The following CPHXL2 variants were observed in gnomAD, a reference collection of about 807,000 sequenced individuals.
CPHXL2 encodes cytoplasmic polyadenylated homeobox like 2, also known as cytoplasmic polyadenylated homeobox-like protein 2.
the CPHXL2 span, among the ~76,000 whole-genome samples, chr16:75,672,486 ATTTTT>A: frequency 6.6e-6 from 1 of 151,884 alleles, no homozygotes; most frequent in Non-Finnish European, 1.5e-5. Context: ...AGCATTTATA[ATTTTT>A]TGTTTTGTTT....
chr16:75,660,857 AGCATAGCCTGGAT>A, the CPHXL2 span: 1 of 398,552 alleles, frequency 2.5e-6, no homozygotes, highest in Non-Finnish European at 4.4e-6. Flanking sequence ...CATACTCCAA[AGCATAGCCTGGAT>A]GCTTTTCAGT....
the CPHXL2 span, among the ~76,000 whole-genome samples, chr16:75,672,977 G>A: frequency 1.3e-5 from 2 of 151,716 alleles, no homozygotes; most frequent in Non-Finnish European, 2.9e-5. Context: ...CTACTCCTGA[G>A]GCTGAGGTGT....
the CPHXL2 span, among the ~76,000 whole-genome samples, chr16:75,661,749 A>C: frequency 2.0e-5 from 3 of 152,128 alleles, no homozygotes; most frequent in African/African-American, 7.2e-5. Context: ...CATTGGGTTC[A>C]AGTTTCACAA....
chr16:75,661,541 T>C, the CPHXL2 span, among the ~76,000 whole-genome samples: 1 of 151,878 alleles, frequency 6.6e-6, no homozygotes, highest in Non-Finnish European at 1.5e-5. Flanking sequence ...TCCAACCTAC[T>C]TGTGACCTAT....
At chr16:75,671,458 G>C in the CPHXL2 span, among the ~76,000 whole-genome samples, 8 of 150,178 alleles carry the variant, frequency 5.3e-5, no homozygotes, top group Non-Finnish European at 5.9e-5. Flanking sequence ...TAACACTATC[G>C]TGACTCAAAA....
the CPHXL2 span, among the ~76,000 whole-genome samples, chr16:75,668,823 G>A: frequency 2.6e-5 from 4 of 152,068 alleles, no homozygotes; most frequent in Non-Finnish European, 4.4e-5. Context: ...ACTGGGCCCA[G>A]CCTATTTTCT....
the CPHXL2 span, among the ~76,000 whole-genome samples, chr16:75,672,194 G>A: frequency 2.6e-5 from 4 of 151,512 alleles, no homozygotes; most frequent in African/African-American, 9.7e-5. Flanking sequence ...CAGGAGAATC[G>A]CTTGAAACTG....
the CPHXL2 span, chr16:75,676,880 A>G: frequency 5.0e-6 from 2 of 398,352 alleles, no homozygotes; most frequent in Admixed American, 4.4e-5. Context: ...ACTGCCCACA[A>G]TCTTCACTAT....
At chr16:75,661,877 T>G in the CPHXL2 span, among the ~76,000 whole-genome samples, 4 of 152,302 alleles carry the variant, frequency 2.6e-5, no homozygotes, top group Admixed American at 2.6e-4. Flanking sequence ...ACAGAAAGAC[T>G]ACTGTGAGCA....
chr16:75,668,839 T>G, the CPHXL2 span, among the ~76,000 whole-genome samples: 2 of 152,226 alleles, frequency 1.3e-5, 1 homozygote, highest in South Asian at 4.1e-4. Context: ...TTTCTTTTTT[T>G]AAATTTTCCA....
At chr16:75,667,735 A>G in the CPHXL2 span, among the ~76,000 whole-genome samples, 3 of 152,256 alleles carry the variant, frequency 2.0e-5, no homozygotes, top group Admixed American at 6.5e-5. Context: ...CCTGAATTTC[A>G]GACTTGCATA....
the CPHXL2 span, among the ~76,000 whole-genome samples, chr16:75,673,773 G>A: frequency 1.3e-5 from 2 of 151,092 alleles, no homozygotes; most frequent in Admixed American, 6.6e-5. Context: ...GAGCTCAGGA[G>A]TTTGAGATCA....
At chr16:75,663,876 ACT>A in the CPHXL2 span, among the ~76,000 whole-genome samples, 52 of 121,810 alleles carry the variant, frequency 4.3e-4, no homozygotes, top group Non-Finnish European at 6.7e-4. Flanking sequence ...ACAGAGCAAG[ACT>A]CTGTCTCAAA....
chr16:75,663,621 C>T, the CPHXL2 span, among the ~76,000 whole-genome samples: 2 of 152,108 alleles, frequency 1.3e-5, no homozygotes, highest in Non-Finnish European at 2.9e-5. Context: ...CGGTGGCTCA[C>T]GCCTGTAATC....
the CPHXL2 span, among the ~76,000 whole-genome samples, chr16:75,673,254 T>C: frequency 1.3e-4 from 20 of 151,212 alleles, no homozygotes; most frequent in African/African-American, 4.9e-4. Flanking sequence ...GGGCATCATG[T>C]TGAAACCTCT....
At chr16:75,668,776 A>G in the CPHXL2 span, among the ~76,000 whole-genome samples, 1 of 152,040 alleles carries the variant, frequency 6.6e-6, no homozygotes, top group Admixed American at 6.6e-5. Flanking sequence ...TTAATTGTGC[A>G]GTGGTGGGAT....
At chr16:75,662,341 T>C in the CPHXL2 span, among the ~76,000 whole-genome samples, 16 of 150,550 alleles carry the variant, frequency 1.1e-4, no homozygotes, top group Admixed American at 2.6e-4. Flanking sequence ...TTTTCTTTTT[T>C]TTTTTTTTTT....
the CPHXL2 span, among the ~76,000 whole-genome samples, chr16:75,670,418 A>G: frequency 1.6e-4 from 25 of 152,318 alleles, no homozygotes; most frequent in East Asian, 4.2e-3. Flanking sequence ...TCTGAGTTCC[A>G]TGAGTGTAGC....
At chr16:75,669,287 G>A in the CPHXL2 span, 1 of 393,534 alleles carries the variant, frequency 2.5e-6, no homozygotes, top group Non-Finnish European at 4.5e-6. Context: ...TTGCACTCCA[G>A]ACTGGGCGAC....
Sources: allele counts gnomAD v4.1 joint callset (sites outside exome capture counted in the v4.1 genomes callset), GRCh38; gene constraint gnomAD v4.1.1; transcripts MANE v1.5; gene names NCBI Gene and HGNC (gene_info 2026-07-23, HGNC 2026-07-21).